Variants in MBD5 observed in about 807,000 individuals in gnomAD.
MBD5 encodes methyl-CpG binding domain protein 5.
Under a neutral mutation model 117.3 loss-of-function variants are expected in MBD5, and 13 were observed. The ratio of observed to expected loss-of-function variants is 0.11; its 90% CI spans 0.07 to 0.18. The LOEUF (loss-of-function observed/expected upper bound fraction) is 0.18, where lower values mean the gene tolerates loss of function less well. Among genes scored for constraint, MBD5 ranks in the 10% least tolerant of loss-of-function variants. The pLI is 1.00. For missense variants in MBD5, 1,879 were observed against 2,093.8 expected, an observed-to-expected ratio of 0.90 and a Z score of 2.00; for synonymous variants, 727 against 766.4, an observed-to-expected ratio of 0.95 and a Z score of 0.85.
chr2:148,175,247 C>T (rs1698356712), intron 1 of MBD5, among the ~76,000 whole-genome samples: 1 of 151,966 alleles, frequency 6.6e-6, no homozygotes, highest in Non-Finnish European at 1.5e-5. Context: ...TGTGAAAATA[C>T]AACAAAACAT....
intron 11 of MBD5, among the ~76,000 whole-genome samples, chr2:148,495,414 A>G (rs1305000288): frequency 6.6e-6 from 1 of 152,112 alleles, no homozygotes; most frequent in African/African-American, 2.4e-5. Context: ...ATAATCAAAA[A>G]CTAAAATTTT....
At position 148,120,553 on chromosome 2, in the gene MBD5, G is replaced by A. The variant is rs80100280; in HGVS notation, c.-924-58147G>A. On this transcript the variant is annotated intron_variant, in intron 1 of 13. Transcript: ENST00000642680. ...TTTCTTTTACATGCTATTGTAAATG[G>A]AATTATTTTCTTAACTTCACTGTCC... Among the ~76,000 whole-genome samples the A allele has an allele frequency of 7.1e-3, 1,077 of 152,136 alleles. 9 individuals are homozygous for A. The highest frequency in any genetic ancestry group is 0.024 in the Middle Eastern group (7 of 294).
intron 3 of MBD5, among the ~76,000 whole-genome samples, chr2:148,252,781 C>A (rs1297161373): frequency 6.6e-6 from 1 of 152,156 alleles, no homozygotes; most frequent in African/African-American, 2.4e-5. Flanking sequence ...GACTCCTGAG[C>A]TCAAGCAATT....
intron 1 of MBD5, among the ~76,000 whole-genome samples, chr2:148,171,494 A>G (rs1327834473): frequency 6.6e-6 from 1 of 152,220 alleles, no homozygotes; most frequent in Non-Finnish European, 1.5e-5. Flanking sequence ...AAGACTATGT[A>G]TGACATTCAG....
chr2:148,358,237 T>G (rs920089700), intron 4 of MBD5, among the ~76,000 whole-genome samples: 2 of 152,160 alleles, frequency 1.3e-5, no homozygotes, highest in Non-Finnish European at 2.9e-5. Context: ...AATGCCATTT[T>G]ACAAAGATCA....
intron 8 of MBD5, among the ~76,000 whole-genome samples, chr2:148,474,202 C>G (rs544092609): frequency 1.3e-5 from 2 of 152,256 alleles, no homozygotes; most frequent in South Asian, 4.1e-4. Context: ...ACTCCAAAAT[C>G]AAGTGCCCTT....
intron 8 of MBD5, among the ~76,000 whole-genome samples, chr2:148,476,015 A>G (rs1680952093): frequency 6.6e-6 from 1 of 152,196 alleles, no homozygotes; most frequent in Admixed American, 6.6e-5. Flanking sequence ...ACAGATTAAA[A>G]GTGGAGCTAG....
At chr2:148,204,602 A>G (rs946048205) in intron 2 of MBD5, among the ~76,000 whole-genome samples, 3 of 152,176 alleles carry the variant, frequency 2.0e-5, no homozygotes, top group Non-Finnish European at 4.4e-5. Flanking sequence ...AGAAGGGGAA[A>G]AAGTCAGACT....
At chr2:148,395,444 T>TC (rs1553509951) in intron 4 of MBD5, among the ~76,000 whole-genome samples, 2,824 of 149,906 alleles carry the variant, frequency 0.019, 42 homozygotes, top group South Asian at 0.051. Context: ...TTTTTTTTTT[T>TC]CACAGAGTCT....
At chr2:148,245,427 AT>A (rs1156228625) in intron 3 of MBD5, among the ~76,000 whole-genome samples, 2 of 151,672 alleles carry the variant, frequency 1.3e-5, no homozygotes, top group Non-Finnish European at 2.9e-5. Context: ...GGACAAAAAT[AT>A]TTTTTTTAAT....
chr2:148,195,887 A>G (rs1039803654), intron 2 of MBD5, among the ~76,000 whole-genome samples: 3 of 152,236 alleles, frequency 2.0e-5, no homozygotes, highest in African/African-American at 7.2e-5. Flanking sequence ...CAACTAACAC[A>G]TGGCTTAGAA....
intron 3 of MBD5, among the ~76,000 whole-genome samples, chr2:148,328,219 C>G (rs1417159455): frequency 1.3e-5 from 2 of 152,208 alleles, no homozygotes; most frequent in African/African-American, 2.4e-5. Context: ...CAGCTGCGTA[C>G]TGGGAGGACC....
chr2:148,498,717 C>G (rs1681780944), intron 11 of MBD5, among the ~76,000 whole-genome samples: 3 of 152,192 alleles, frequency 2.0e-5, no homozygotes, highest in Non-Finnish European at 4.4e-5. Flanking sequence ...CTTCTTTTGT[C>G]AGACTTTAAG....
At chr2:148,388,932 C>T (rs1704463271) in intron 4 of MBD5, among the ~76,000 whole-genome samples, 1 of 151,742 alleles carries the variant, frequency 6.6e-6, no homozygotes, top group Admixed American at 6.6e-5. Flanking sequence ...CTCCATTACC[C>T]AAATAGTGAA....
intron 1 of MBD5, among the ~76,000 whole-genome samples, chr2:148,174,524 A>G (rs1308529581): frequency 1.3e-5 from 2 of 152,096 alleles, no homozygotes; most frequent in East Asian, 3.9e-4. Flanking sequence ...ACAGATTGGG[A>G]GAAAATATTT....
intron 4 of MBD5, among the ~76,000 whole-genome samples, chr2:148,414,974 T>G (rs1705375315): frequency 6.6e-6 from 1 of 152,208 alleles, no homozygotes; most frequent in South Asian, 2.1e-4. Context: ...AAGGTCAGTA[T>G]TGATGTGTGA....
intron 1 of MBD5, among the ~76,000 whole-genome samples, chr2:148,072,690 A>T (rs1695395565): frequency 6.6e-6 from 1 of 152,172 alleles, no homozygotes; most frequent in Admixed American, 6.5e-5. Context: ...TGATAATGAG[A>T]TCCTTAGTTT....
intron 1 of MBD5, among the ~76,000 whole-genome samples, chr2:148,110,119 C>G (rs1696472233): frequency 6.6e-6 from 1 of 152,010 alleles, no homozygotes; most frequent in African/African-American, 2.4e-5. Context: ...TTACTAAGTG[C>G]CTTTTTGTTG....
intron 3 of MBD5, among the ~76,000 whole-genome samples, chr2:148,250,824 C>A (rs1012757126): frequency 2.0e-5 from 3 of 152,228 alleles, no homozygotes; most frequent in Admixed American, 2.0e-4. Context: ...AAATGCCTTG[C>A]CCAATGTCAC....
Sources: gnomAD v4.1 joint callset for allele counts (sites outside exome capture counted in the v4.1 genomes callset) on GRCh38, gnomAD v4.1.1 for gene constraint, MANE v1.5 for transcripts, NCBI Gene and HGNC (gene_info 2026-07-23, HGNC 2026-07-21) for gene names.